Variants in PRMT8 observed in about 807,000 individuals in gnomAD.
The protein encoded by PRMT8 is protein arginine methyltransferase 8.
PRMT8 carries 7 observed loss-of-function variants against 47.1 expected under a neutral mutation model. That is an observed-to-expected ratio of 0.15 (90% CI 0.08 to 0.28). PRMT8 has a LOEUF of 0.28. Among genes scored for constraint, PRMT8 ranks in the 10% least tolerant of loss-of-function variants. PRMT8 has a pLI of 1.00. For synonymous variants in PRMT8, 188 were observed against 186.5 expected (o/e 1.01, Z -0.07); for missense variants, 237 against 505.4 (o/e 0.47, Z 5.09).
At chr12:3,448,372 G>A (rs1864880306) in intron 1 of PRMT8, among the ~76,000 whole-genome samples, 1 of 152,100 alleles carries the variant, frequency 6.6e-6, no homozygotes, top group Non-Finnish European at 1.5e-5. Flanking sequence ...TATATCTATT[G>A]ATAGTTATTG....
At chr12:3,489,839 GCA>G (rs35501021), upstream of PRMT8, among the ~76,000 whole-genome samples, 560 of 144,820 alleles carry the variant, frequency 3.9e-3, 5 homozygotes, top group African/African-American at 0.012. Context: ...ACACACGCGC[GCA>G]CACACACACA....
At chr12:3,441,461 C>A (rs1864800698) in intron 1 of PRMT8, among the ~76,000 whole-genome samples, 1 of 152,220 alleles carries the variant, frequency 6.6e-6, no homozygotes, top group African/African-American at 2.4e-5. Context: ...GCTGTTCCTT[C>A]TGTTTCCAAA....
rs541574358 is a variant in PRMT8 at position 3,583,351 on chromosome 12, G to T, written c.979+143G>T. 15 of 877,530 alleles carry T rather than the reference G, an allele frequency of 1.7e-5. No homozygotes were observed. The highest frequency in any genetic ancestry group is 2.4e-5 in the Non-Finnish European group (14 of 585,442). 54.4% of individuals were successfully genotyped at this position (877,530 alleles called of 1,614,324 possible). ...CACCTATCAACCCTCTCCAGCCATGGAGGAACCATGCATCCCTATATTTGT... is the reference window on the plus strand; with the variant it reads ...CACCTATCAACCCTCTCCAGCCATGTAGGAACCATGCATCCCTATATTTGT... On this transcript the variant is annotated intron_variant, in intron 8 of 9. Transcript: ENST00000382622. This position sits in a 1 kb window ranked among gnomAD's most constrained non-coding sequence, Gnocchi z 4.7.
At chr12:3,384,829 G>A (rs1160270092) in intron 1 of PRMT8, among the ~76,000 whole-genome samples, 24 of 152,014 alleles carry the variant, frequency 1.6e-4, no homozygotes, top group South Asian at 2.1e-4. Context: ...ATGACAATTT[G>A]TTGTTGTGCA....
At chr12:3,539,575 C>T (rs1866183066) in intron 1 of PRMT8, among the ~76,000 whole-genome samples, 1 of 152,200 alleles carries the variant, frequency 6.6e-6, no homozygotes, top group South Asian at 2.1e-4. Flanking sequence ...GTCTCCTGCA[C>T]TCCAGGCAGA....
intron 1 of PRMT8, among the ~76,000 whole-genome samples, chr12:3,451,326 G>A (rs1468912190): frequency 6.6e-6 from 1 of 152,136 alleles, no homozygotes; most frequent in Non-Finnish European, 1.5e-5. Context: ...CACACCCAAA[G>A]TCTTGCAGCT....
rs1865751073 is a variant in PRMT8 at position 3,514,040 on chromosome 12, G to T, written c.75+22340G>T. 6.6e-6 allele frequency among the ~76,000 whole-genome samples: 1 copy of T among 152,298 alleles called. No homozygotes were observed. The highest frequency in any genetic ancestry group is 1.5e-5 in the Non-Finnish European group (1 of 68,034). ...ATCAGGCAGATCCGGGCAGAGGCAG[G>T]GGGCAGGGGCAGGATTTATTGTGAT... On this transcript the variant is annotated intron_variant, in intron 1 of 9. Transcript: ENST00000382622. This position sits in a 1 kb window ranked among gnomAD's most constrained non-coding sequence, Gnocchi z 5.9.
chr12:3,435,188 C>T (rs2137070690), intron 1 of PRMT8, among the ~76,000 whole-genome samples: 1 of 152,030 alleles, frequency 6.6e-6, no homozygotes, highest in Non-Finnish European at 1.5e-5. Flanking sequence ...AGGCTGGTCT[C>T]AAACTCCTGA....
rs74055701 is a variant in PRMT8 at position 3,418,688 on chromosome 12, A to T, written c.48+37246A>T. 4.2e-3 allele frequency among the ~76,000 whole-genome samples: 630 copies of T among 151,616 alleles called. 2 individuals are homozygous for T. The highest frequency in any genetic ancestry group is 0.014 in the African/African-American group (595 of 41,292). On this transcript the variant is annotated intron_variant, in intron 1 of 9. Coordinates refer to the PRMT8 transcript ENST00000452611. The stretch of plus-strand genomic sequence containing the variant: ...CCTCACCCCACTTTACTGGGTCCTA[A>T]CTTCCCCTCCCCACCTGAGATGCTC...
intron 1 of PRMT8, among the ~76,000 whole-genome samples, chr12:3,511,076 T>C (rs1865705883): frequency 6.6e-6 from 1 of 152,218 alleles, no homozygotes; most frequent in African/African-American, 2.4e-5. Context: ...ACAATGGGCA[T>C]GAGGACTTTA....
chr12:3,381,489 G>A (rs967478122), intron 1 of PRMT8: 3 of 1,519,984 alleles, frequency 2.0e-6, no homozygotes, highest in Admixed American at 3.9e-5. Context: ...CTTCCTGCAA[G>A]TGAAATAGTG....
At chr12:3,435,509 TTTTC>T (rs1442148301) in intron 1 of PRMT8, among the ~76,000 whole-genome samples, 1 of 151,894 alleles carries the variant, frequency 6.6e-6, no homozygotes, top group Admixed American at 6.6e-5. Flanking sequence ...ATGTTTTTTT[TTTTC>T]TTCTTTTTTT....
At chr12:3,523,715 C>G (rs558968684) in intron 1 of PRMT8, among the ~76,000 whole-genome samples, 8 of 152,252 alleles carry the variant, frequency 5.3e-5, no homozygotes, top group Non-Finnish European at 8.8e-5. Context: ...ATACCAATCC[C>G]AAAGGCAGGC....
At chr12:3,457,254 A>G (rs1376498753) in intron 1 of PRMT8, among the ~76,000 whole-genome samples, 1 of 152,154 alleles carries the variant, frequency 6.6e-6, no homozygotes, top group Non-Finnish European at 1.5e-5. Flanking sequence ...CTTAGCCACA[A>G]GCTCTCAGTT....
At chr12:3,398,072 C>G (rs572715808) in intron 1 of PRMT8, among the ~76,000 whole-genome samples, 14 of 151,996 alleles carry the variant, frequency 9.2e-5, no homozygotes, top group African/African-American at 3.1e-4. Flanking sequence ...GGCTCGCGCA[C>G]GGTGCGCGCA....
chr12:3,591,405 C>CT (rs1867300350), intron 8 of PRMT8, among the ~76,000 whole-genome samples: 3 of 123,830 alleles, frequency 2.4e-5, no homozygotes, highest in Admixed American at 1.8e-4. Flanking sequence ...GCAGGGAAAG[C>CT]TCTTTTTTTT....
chr12:3,570,119 G>A lies in PRMT8; in HGVS notation c.712+555G>A, dbSNP rs1247057437. Among the ~76,000 whole-genome samples, 2 of 152,006 alleles carry A rather than the reference G, an allele frequency of 1.3e-5. No individual in the cohort carries two copies. Among genetic ancestry groups the A allele is most frequent in the Non-Finnish European group, 1.5e-5 (1 of 67,996 alleles). On this transcript the variant is annotated intron_variant, in intron 6 of 9. Transcript: ENST00000382622. The surrounding 1 kb of genome is among the most constrained non-coding windows in gnomAD (Gnocchi z 5.5). ...TTGAACAATCAAACGAAAGGCGAGTGTGCATGTGTGCATGAGGCAGGGGCT... is the reference window on the plus strand; with the variant it reads ...TTGAACAATCAAACGAAAGGCGAGTATGCATGTGTGCATGAGGCAGGGGCT...
At position 3,576,877 on chromosome 12, in the gene PRMT8, A is replaced by C; in HGVS notation, c.719A>C (p.Glu240Ala). The stretch of plus-strand genomic sequence containing the variant: ...TCTTGCTCTGCTCCCACAGGGTGGG[A>C]GAATGTCTATGGCTTTGACATGACC... The part of the protein sequence containing the change: ...QYKDFKIHWW[E>A]NVYGFDMTCI... Residue 240 changes from glutamate (E) to alanine (A), a missense_variant, in exon 7 of 10, where the codon GAG becomes GCG. Glu to Ala is a moderately radical substitution (Grantham distance 107). Coordinates refer to ENST00000382622, the MANE Select transcript of PRMT8 (RefSeq NM_019854.5). This position sits in a 1 kb window ranked among gnomAD's most constrained non-coding sequence, Gnocchi z 4.0. 1 of 1,613,928 alleles carries C rather than the reference A, an allele frequency of 6.2e-7. No individual in the cohort carries two copies. The highest frequency in any genetic ancestry group is 8.5e-7 in the Non-Finnish European group (1 of 1,179,896).
At chr12:3,423,977 C>T (rs1213490924) in intron 1 of PRMT8, among the ~76,000 whole-genome samples, 1 of 152,150 alleles carries the variant, frequency 6.6e-6, no homozygotes, top group Non-Finnish European at 1.5e-5. Context: ...GGTACTAATT[C>T]TCAGGCTTCC....
Sources: allele counts gnomAD v4.1 joint callset (sites outside exome capture counted in the v4.1 genomes callset), GRCh38; gene constraint gnomAD v4.1.1; non-coding constraint Gnocchi (gnomAD v3.1); transcripts MANE v1.5; gene names NCBI Gene and HGNC (gene_info 2026-07-23, HGNC 2026-07-21).